The following CADM2 variants were observed in gnomAD, a reference collection of about 807,000 sequenced individuals.
CADM2 encodes cell adhesion molecule 2.
CADM2 carries 12 observed loss-of-function variants against 49.8 expected under a neutral mutation model. That is an observed-to-expected ratio of 0.24 (90% CI 0.15 to 0.39). The LOEUF is 0.39. Ranked by LOEUF, CADM2 falls within the 10% of genes least tolerant of loss-of-function variation. CADM2 has a pLI of 1.00. For missense variants in CADM2, 378 were observed against 492.3 expected, an observed-to-expected ratio of 0.77 and a Z score of 2.20; for synonymous variants, 214 against 175.4, an observed-to-expected ratio of 1.22 and a Z score of -1.74.
chr3:85,128,935 T>TCA (rs1338139581), intron 1 of CADM2, among the ~76,000 whole-genome samples: 3 of 152,174 alleles, frequency 2.0e-5, no homozygotes, highest in Non-Finnish European at 2.9e-5. Flanking sequence ...AACACACACA[T>TCA]CAGATACTGA....
intron 1 of CADM2, among the ~76,000 whole-genome samples, chr3:85,389,025 A>T (rs1277426259): frequency 6.6e-6 from 1 of 152,168 alleles, no homozygotes. Context: ...TAGGGTTTCC[A>T]GGACATTGTG....
intron 1 of CADM2, among the ~76,000 whole-genome samples, chr3:85,689,040 C>G (rs560137634): frequency 6.6e-6 from 1 of 152,176 alleles, no homozygotes; most frequent in Non-Finnish European, 1.5e-5. Flanking sequence ...ACCTAAATAT[C>G]TATTGACAGG....
chr3:85,643,775 T>C (rs771462933), intron 1 of CADM2, among the ~76,000 whole-genome samples: 1 of 152,146 alleles, frequency 6.6e-6, no homozygotes, highest in Non-Finnish European at 1.5e-5. Flanking sequence ...TAATCTGATA[T>C]ATATTTTAAG....
Position 85,162,564 on chromosome 3 carries a change from A to G in CADM2, c.61+202896A>G, listed in dbSNP as rs570296694. Among the ~76,000 whole-genome samples, 77 of 152,148 alleles carry G rather than the reference A, an allele frequency of 5.1e-4. 1 individual carries two copies. The highest frequency in any genetic ancestry group is 9.9e-4 in the Non-Finnish European group (67 of 68,012). Reference sequence around the variant, plus strand: ...GGAAGTCAGCTGAAAGATGTCTACCATTAAAAAAAATAATATATGGTTGAG... The same window carrying G: ...GGAAGTCAGCTGAAAGATGTCTACCGTTAAAAAAAATAATATATGGTTGAG... On this transcript the variant is annotated intron_variant, in intron 1 of 9. Coordinates refer to ENST00000383699, the MANE Select transcript of CADM2 (RefSeq NM_001167675.2).
intron 1 of CADM2, among the ~76,000 whole-genome samples, chr3:85,486,556 ATCCTT>A (rs2039424423): frequency 6.6e-6 from 1 of 152,138 alleles, no homozygotes; most frequent in African/African-American, 2.4e-5. Flanking sequence ...AGGAAATGCT[ATCCTT>A]TCCCATTCTC....
intron 8 of CADM2, among the ~76,000 whole-genome samples, chr3:85,998,771 A>C (rs989397655): frequency 6.6e-6 from 1 of 152,146 alleles, no homozygotes; most frequent in African/African-American, 2.4e-5. Context: ...AATGACAAGA[A>C]GCCATTGGAG....
At chr3:85,027,066 C>T (rs1320154185) in intron 1 of CADM2, among the ~76,000 whole-genome samples, 1 of 118,644 alleles carries the variant, frequency 8.4e-6, no homozygotes, top group East Asian at 2.2e-4. Flanking sequence ...TTTTATGACA[C>T]TATTTTTTTT....
intron 8 of CADM2, among the ~76,000 whole-genome samples, chr3:86,023,690 G>A (rs1472455912): frequency 3.9e-5 from 6 of 152,132 alleles, no homozygotes; most frequent in East Asian, 3.9e-4. Context: ...AGAAGGATAC[G>A]TCTTTGCCTT....
chr3:85,330,869 G>A (rs551842715), intron 1 of CADM2, among the ~76,000 whole-genome samples: 6 of 152,064 alleles, frequency 3.9e-5, no homozygotes, highest in African/African-American at 1.4e-4. Flanking sequence ...GGCTGAGGTG[G>A]GAAGATTGTT....
chr3:85,345,612 A>C lies in CADM2; in HGVS notation c.62-380910A>C, dbSNP rs543565260. Reference sequence around the variant, plus strand: ...ATTACGAGTCCTGAAGAATTTTAAAAAATGCCAGTGCCATGAAAGGCAAGG... The same window carrying C: ...ATTACGAGTCCTGAAGAATTTTAAACAATGCCAGTGCCATGAAAGGCAAGG... On this transcript the variant is annotated intron_variant, in intron 1 of 9. Coordinates refer to ENST00000383699, the MANE Select transcript of CADM2 (RefSeq NM_001167675.2). Among the ~76,000 whole-genome samples, 6 of 152,316 alleles carry C rather than the reference A, an allele frequency of 3.9e-5. No individual in the cohort carries two copies. In the South Asian group the frequency reaches 1.0e-3, roughly 26 times the overall value.
chr3:84,981,334 G>T (rs972519115), intron 1 of CADM2, among the ~76,000 whole-genome samples: 2 of 151,950 alleles, frequency 1.3e-5, no homozygotes, highest in Non-Finnish European at 2.9e-5. Flanking sequence ...CATTTAGAAA[G>T]GATATACCAT....
At chr3:85,274,529 G>A (rs1250320279) in intron 1 of CADM2, among the ~76,000 whole-genome samples, 1 of 151,368 alleles carries the variant, frequency 6.6e-6, no homozygotes, top group Non-Finnish European at 1.5e-5. Flanking sequence ...GGGAGGAGAG[G>A]GGGTGGTGGT....
In CADM2 at chr3:85,809,704, CTTCCTTCCTTCCTTCG is replaced by C. The variant is rs1465879615; in HGVS notation, c.238+7517_238+7532del. Among the ~76,000 whole-genome samples the C allele has an allele frequency of 1.1e-3, 144 of 126,266 alleles. 1 individual carries two copies. Among genetic ancestry groups the C allele is most frequent in the African/African-American group, 4.3e-3 (131 of 30,216 alleles). 82.8% of individuals were successfully genotyped at this position (126,266 alleles called of 152,430 possible). ...CCTTCCTTCCTTCCTTCCTTCCTTC[CTTCCTTCCTTCCTTCG>C]TTCCTTCCCTCCCTCCCTCCCTCCT... On this transcript the variant is annotated intron_variant, in intron 3 of 9. Transcript: ENST00000383699.
chr3:85,295,056 A>T (rs1399403158), intron 1 of CADM2, among the ~76,000 whole-genome samples: 2 of 152,220 alleles, frequency 1.3e-5, no homozygotes, highest in Non-Finnish European at 2.9e-5. Context: ...CAAAGGGCTG[A>T]TATCCAGAAT....
chr3:85,236,824 A>G (rs907425709), intron 1 of CADM2, among the ~76,000 whole-genome samples: 2 of 151,996 alleles, frequency 1.3e-5, no homozygotes, highest in African/African-American at 4.8e-5. Context: ...TCAACTAGAG[A>G]GAAATGCTTA....
chr3:85,227,356 T>C (rs1218406957), intron 1 of CADM2, among the ~76,000 whole-genome samples: 1 of 152,172 alleles, frequency 6.6e-6, no homozygotes, highest in East Asian at 1.9e-4. Flanking sequence ...TCTTGTTGCT[T>C]TGATTCCTTT....
intron 8 of CADM2, among the ~76,000 whole-genome samples, chr3:85,972,183 G>A (rs890126583): frequency 6.6e-6 from 1 of 151,514 alleles, no homozygotes; most frequent in Admixed American, 6.6e-5. Context: ...GAGCATAATG[G>A]GAGCAGATAA....
chr3:85,615,323 T>G lies in CADM2; in HGVS notation c.62-111199T>G, dbSNP rs10212346. Among the ~76,000 whole-genome samples, 807 of 152,118 alleles carry G rather than the reference T, an allele frequency of 5.3e-3. 10 individuals are homozygous for G. The highest frequency in any genetic ancestry group is 0.019 in the African/African-American group (778 of 41,552). On this transcript the variant is annotated intron_variant, in intron 1 of 9. Coordinates refer to ENST00000383699, the MANE Select transcript of CADM2 (RefSeq NM_001167675.2). ...AGGATTAATATTTTCCAGAAAATTT[T>G]GCTATGTTTCAGTGAATCTTTGTGA...
At chr3:85,633,994 C>T (rs925138011) in intron 1 of CADM2, among the ~76,000 whole-genome samples, 12 of 151,846 alleles carry the variant, frequency 7.9e-5, no homozygotes, top group African/African-American at 2.2e-4. Context: ...AGCGTATGAT[C>T]GGAGTTTTGG....
Sources: gnomAD v4.1 joint callset for allele counts (sites outside exome capture counted in the v4.1 genomes callset) on GRCh38, gnomAD v4.1.1 for gene constraint, MANE v1.5 for transcripts, NCBI Gene and HGNC (gene_info 2026-07-23, HGNC 2026-07-21) for gene names.